POU6F2: variants seen among roughly 807,000 people sequenced by gnomAD.
POU6F2 encodes POU class 6 homeobox 2.
In POU6F2, 31 loss-of-function variants were observed where a neutral mutation model predicts 71.3. The observed-to-expected ratio is 0.43, with a 90% CI of 0.33 to 0.59. The LOEUF (loss-of-function observed/expected upper bound fraction) is 0.59. POU6F2 is among the 20% of genes least tolerant of loss of function. The probability of loss-of-function intolerance (pLI) is 0.04; values close to 1 mark genes in which losing one functional copy is unlikely to be tolerated. For synonymous variants in POU6F2, 347 were observed against 355.7 expected, an observed-to-expected ratio of 0.98 and a Z score of 0.27; for missense variants, 783 against 856.8, an observed-to-expected ratio of 0.91 and a Z score of 1.07.
intron 5 of POU6F2, among the ~76,000 whole-genome samples, chr7:39,405,274 A>C (rs1787399210): frequency 6.6e-6 from 1 of 152,218 alleles, no homozygotes; most frequent in Non-Finnish European, 1.5e-5. Context: ...AGATAGTATA[A>C]TCTCTAGGCA....
chr7:39,441,457 A>G (rs2108719), intron 7 of POU6F2, among the ~76,000 whole-genome samples: 50,986 of 151,712 alleles, frequency 0.34, 9,581 homozygotes, highest in East Asian at 0.58. Context: ...GGAAGAAAAA[A>G]AATCAGAAAA....
intron 1 of POU6F2, among the ~76,000 whole-genome samples, chr7:39,079,788 T>C (rs1019790661): frequency 1.3e-5 from 2 of 152,160 alleles, no homozygotes; most frequent in African/African-American, 4.8e-5. Flanking sequence ...AGGAAGTGCA[T>C]GCTGGGATCA....
chr7:39,286,360 T>C (rs1784649738), intron 4 of POU6F2, among the ~76,000 whole-genome samples: 1 of 152,194 alleles, frequency 6.6e-6, no homozygotes, highest in Non-Finnish European at 1.5e-5. Flanking sequence ...CAAAATAATT[T>C]AACTACCTAC....
chr7:39,403,816 T>C (rs1395349477), intron 5 of POU6F2, among the ~76,000 whole-genome samples: 2 of 152,232 alleles, frequency 1.3e-5, no homozygotes, highest in African/African-American at 4.8e-5. Flanking sequence ...AGCCAAAAGA[T>C]ATGTATGTAT....
intron 7 of POU6F2, among the ~76,000 whole-genome samples, chr7:39,434,422 T>C (rs902386291): frequency 2.6e-5 from 4 of 152,224 alleles, no homozygotes; most frequent in African/African-American, 9.6e-5. Flanking sequence ...GATACGCCAG[T>C]AGCTATCTCA....
intron 2 of POU6F2, among the ~76,000 whole-genome samples, chr7:39,188,870 A>T (rs1489693407): frequency 6.6e-6 from 1 of 152,234 alleles, no homozygotes; most frequent in Non-Finnish European, 1.5e-5. Flanking sequence ...CAGAGAGATG[A>T]AACTGTCAGA....
chr7:39,034,252 G>A (rs1280226674), intron 1 of POU6F2: 11 of 168,414 alleles, frequency 6.5e-5, no homozygotes, highest in African/African-American at 1.2e-4. Flanking sequence ...TGGGAGTTAC[G>A]TGAGTATTAG....
chr7:39,393,842 A>T (rs780629933), intron 5 of POU6F2, among the ~76,000 whole-genome samples: 2 of 152,212 alleles, frequency 1.3e-5, no homozygotes, highest in African/African-American at 4.8e-5. Flanking sequence ...TATTATGCAT[A>T]ACATTTGTTA....
intron 4 of POU6F2, among the ~76,000 whole-genome samples, chr7:39,293,566 C>A (rs931166050): frequency 6.6e-6 from 1 of 152,116 alleles, no homozygotes; most frequent in Non-Finnish European, 1.5e-5. Flanking sequence ...CGCTTCAGAC[C>A]ACGTGATAGC....
In POU6F2 at chr7:39,371,724, T is replaced by A. The variant is rs140252504; in HGVS notation, c.972+31709T>A. ...CTCTGTCATTTGACTCCACTGATGA[T>A]TCTGCCCAACACCCACTCAAGGTAG... On this transcript the variant is annotated intron_variant, in intron 5 of 9. Transcript: ENST00000518318. Among the ~76,000 whole-genome samples, 42 of 152,300 alleles carry A rather than the reference T, an allele frequency of 2.8e-4. No homozygotes were observed. In the East Asian group the frequency reaches 7.9e-3, roughly 29 times the overall value.
intron 1 of POU6F2, among the ~76,000 whole-genome samples, chr7:39,028,359 C>G (rs1203707810): frequency 6.6e-6 from 1 of 151,978 alleles, no homozygotes; most frequent in East Asian, 1.9e-4. Flanking sequence ...ATGTTTGTTT[C>G]TCTTACTATC....
intron 1 of POU6F2, among the ~76,000 whole-genome samples, chr7:39,056,292 C>A (rs571536936): frequency 5.0e-4 from 76 of 151,532 alleles, no homozygotes; most frequent in African/African-American, 1.8e-3. Flanking sequence ...TAAATTTTTC[C>A]CTCTGTCAAC....
intron 4 of POU6F2, among the ~76,000 whole-genome samples, chr7:39,224,084 A>G (rs1584610903): frequency 6.6e-6 from 1 of 152,176 alleles, no homozygotes; most frequent in African/African-American, 2.4e-5. Flanking sequence ...AGGCTGCCCC[A>G]TACTCTAGCC....
chr7:38,989,746 T>C (rs1180602885), intron 1 of POU6F2, among the ~76,000 whole-genome samples: 2 of 151,778 alleles, frequency 1.3e-5, no homozygotes, highest in African/African-American at 2.4e-5. Context: ...TATATATATA[T>C]AGAAAGAGAG....
chr7:39,452,238 C>A (rs1488452280), intron 8 of POU6F2, among the ~76,000 whole-genome samples: 1 of 152,204 alleles, frequency 6.6e-6, no homozygotes, highest in Non-Finnish European at 1.5e-5. Flanking sequence ...GATGAGAAAT[C>A]TCTGAACAAC....
chr7:39,100,921 A>G (rs1791557961), intron 2 of POU6F2, among the ~76,000 whole-genome samples: 1 of 152,122 alleles, frequency 6.6e-6, no homozygotes, highest in South Asian at 2.1e-4. Flanking sequence ...CACAGGAATG[A>G]AAATCCACAT....
At chr7:38,986,653 T>C (rs766211057) in intron 1 of POU6F2, among the ~76,000 whole-genome samples, 1 of 152,186 alleles carries the variant, frequency 6.6e-6, no homozygotes, top group Non-Finnish European at 1.5e-5. Flanking sequence ...ATGAGTATTT[T>C]TGAATTTTTT....
At chr7:39,436,939 A>G (rs1349920895) in intron 7 of POU6F2, among the ~76,000 whole-genome samples, 1 of 152,198 alleles carries the variant, frequency 6.6e-6, no homozygotes, top group African/African-American at 2.4e-5. Flanking sequence ...TCATTTGCAT[A>G]TGTTGAACCA....
chr7:39,374,413 T>G (rs550535710), intron 5 of POU6F2, among the ~76,000 whole-genome samples: 1 of 152,316 alleles, frequency 6.6e-6, no homozygotes, highest in African/African-American at 2.4e-5. Flanking sequence ...CGCCTTTTCT[T>G]GAACTCCAAT....
Sources: gnomAD v4.1 joint callset for allele counts (sites outside exome capture counted in the v4.1 genomes callset) on GRCh38, gnomAD v4.1.1 for gene constraint, MANE v1.5 for transcripts, NCBI Gene and HGNC (gene_info 2026-07-23, HGNC 2026-07-21) for gene names.